Variants in CALN1 observed in about 807,000 individuals in gnomAD.
CALN1 encodes calcium-binding protein 8.
Under a neutral mutation model 30.6 loss-of-function variants are expected in CALN1, and 17 were observed. The observed-to-expected ratio is 0.56, with a 90% CI of 0.38 to 0.83. The LOEUF (loss-of-function observed/expected upper bound fraction) is 0.83, where lower values mean the gene tolerates loss of function less well. Ranked by LOEUF, CALN1 falls within the 40% of genes least tolerant of loss-of-function variation. The probability of loss-of-function intolerance (pLI) is 0.00; values close to 1 mark genes in which losing one functional copy is unlikely to be tolerated. For synonymous variants in CALN1, 156 were observed against 131.4 expected (o/e 1.19, Z -1.28); for missense variants, 291 against 354.9 (o/e 0.82, Z 1.45).
intron 3 of CALN1, among the ~76,000 whole-genome samples, chr7:72,234,445 TTTTG>T (rs1794340696): frequency 6.6e-6 from 1 of 152,002 alleles, no homozygotes; most frequent in Admixed American, 6.6e-5. Flanking sequence ...TTTTGTTTTG[TTTTG>T]TTTTTTTGTT....
intron 2 of CALN1, among the ~76,000 whole-genome samples, chr7:72,371,412 T>C (rs983148145): frequency 1.3e-5 from 2 of 152,180 alleles, no homozygotes; most frequent in Non-Finnish European, 1.5e-5. Flanking sequence ...ATGGGAGCAC[T>C]TACCCTCATG....
intron 3 of CALN1, among the ~76,000 whole-genome samples, chr7:72,107,882 T>C (rs563184720): frequency 6.6e-6 from 1 of 152,328 alleles, no homozygotes; most frequent in East Asian, 1.9e-4. Context: ...GTAAGATGCA[T>C]GCAGAAACCT....
intron 2 of CALN1, among the ~76,000 whole-genome samples, chr7:72,382,754 T>C (rs976725097): frequency 1.3e-5 from 2 of 152,256 alleles, no homozygotes; most frequent in Admixed American, 1.3e-4. Flanking sequence ...CCTAGCATGA[T>C]AGTCTCCCAG....
intron 2 of CALN1, among the ~76,000 whole-genome samples, chr7:72,331,392 A>G (rs775566798): frequency 1.1e-4 from 17 of 152,076 alleles, no homozygotes; most frequent in Non-Finnish European, 1.9e-4. Context: ...GAGGAGGAAA[A>G]CAGTCTCTCC....
intron 2 of CALN1, among the ~76,000 whole-genome samples, chr7:72,350,222 T>A (rs188460027): frequency 3.7e-4 from 57 of 152,174 alleles, no homozygotes; most frequent in Non-Finnish European, 6.9e-4. Context: ...GGAAAGCAGT[T>A]TGGAGATTAC....
At chr7:72,050,222 G>A (rs951225197) in intron 4 of CALN1, among the ~76,000 whole-genome samples, 2 of 152,078 alleles carry the variant, frequency 1.3e-5, no homozygotes, top group Non-Finnish European at 2.9e-5. Flanking sequence ...ATAAAATTCA[G>A]TTTTGAACCC....
intron 3 of CALN1, among the ~76,000 whole-genome samples, chr7:72,223,180 C>T (rs549575255): frequency 8.5e-5 from 13 of 152,200 alleles, no homozygotes; most frequent in South Asian, 4.2e-4. Flanking sequence ...TAACGGGCCG[C>T]GGTCAGGCAG....
intron 3 of CALN1, 141 bp from the exon 4 acceptor site, chr7:72,106,435 G>C: frequency 4.3e-6 from 4 of 927,142 alleles, no homozygotes; most frequent in Non-Finnish European, 6.1e-6. Flanking sequence ...ATAAAAGGGA[G>C]GACAGAAGAA....
chr7:71,991,048 A>T (rs1412350340), intron 5 of CALN1, among the ~76,000 whole-genome samples: 2 of 146,456 alleles, frequency 1.4e-5, no homozygotes, highest in African/African-American at 5.1e-5. Context: ...TGAAACAGTG[A>T]GGGGGGGGGT....
intron 1 of CALN1, among the ~76,000 whole-genome samples, chr7:72,410,590 G>GA (rs1479102705): frequency 6.6e-6 from 1 of 152,168 alleles, no homozygotes; most frequent in Admixed American, 6.5e-5. Flanking sequence ...TTCTGCAAGT[G>GA]AGACTTCTCA....
At chr7:72,101,553 C>T (rs1391168959) in intron 4 of CALN1, among the ~76,000 whole-genome samples, 1 of 152,138 alleles carries the variant, frequency 6.6e-6, no homozygotes, top group Non-Finnish European at 1.5e-5. Context: ...CAACTGAATA[C>T]CCTGGATAAA....
chr7:72,206,295 T>C (rs553596516), intron 3 of CALN1, among the ~76,000 whole-genome samples: 53 of 152,250 alleles, frequency 3.5e-4, no homozygotes, highest in Non-Finnish European at 6.6e-4. Flanking sequence ...GGTCCCTCTG[T>C]TGGATCTTTG....
intron 3 of CALN1, among the ~76,000 whole-genome samples, chr7:72,263,576 T>G (rs1386172121): frequency 6.6e-6 from 1 of 152,006 alleles, no homozygotes; most frequent in Non-Finnish European, 1.5e-5. Context: ...TTTAATTTTT[T>G]GTACAGGCTG....
chr7:72,225,301 G>A (rs1025211570), intron 3 of CALN1, among the ~76,000 whole-genome samples: 1 of 151,868 alleles, frequency 6.6e-6, no homozygotes, highest in Non-Finnish European at 1.5e-5. Flanking sequence ...ACCTTAGCAG[G>A]GTGTCCTCCT....
the CALN1 span, among the ~76,000 whole-genome samples, chr7:72,483,247 T>A: frequency 1.2e-4 from 18 of 144,418 alleles, no homozygotes; most frequent in Non-Finnish European, 2.1e-4. Flanking sequence ...TTTGTTTGTT[T>A]GGTTTGGTTT....
chr7:72,180,845 C>A, intron 3 of CALN1, among the ~76,000 whole-genome samples: 1 of 151,860 alleles, frequency 6.6e-6, no homozygotes, highest in East Asian at 1.9e-4. Context: ...CACCTATAAT[C>A]CAAGCACTTT....
chr7:71,803,990 T>A (rs549745121), intron 6 of CALN1, among the ~76,000 whole-genome samples: 35 of 152,078 alleles, frequency 2.3e-4, no homozygotes, highest in African/African-American at 7.7e-4. Flanking sequence ...GTGTCTGTTG[T>A]TTGTGTTGAC....
At chr7:71,893,910 G>A (rs1793394473) in intron 5 of CALN1, among the ~76,000 whole-genome samples, 1 of 152,048 alleles carries the variant, frequency 6.6e-6, no homozygotes, top group Non-Finnish European at 1.5e-5. Flanking sequence ...AGAGATCTGT[G>A]TATGTTTTCT....
intron 5 of CALN1, among the ~76,000 whole-genome samples, chr7:71,971,997 A>G (rs866317581): frequency 2.8e-5 from 4 of 143,696 alleles, no homozygotes; most frequent in Admixed American, 7.2e-5. Context: ...AAGAAAGAGA[A>G]AGAAAGAAAA....
Sources: allele counts gnomAD v4.1 joint callset (sites outside exome capture counted in the v4.1 genomes callset), GRCh38; gene constraint gnomAD v4.1.1; transcripts MANE v1.5; gene names NCBI Gene and HGNC (gene_info 2026-07-23, HGNC 2026-07-21).